Variants in UMAD1 observed in about 807,000 individuals in gnomAD.
UMAD1 encodes the protein UBAP1-MVB12-associated (UMA) domain containing 1, also known as UBAP1-MVB12-associated (UMA)-domain containing protein 1.
A neutral mutation model predicts 6.1 loss-of-function variants in UMAD1; 8 were observed. That is an observed-to-expected ratio of 1.30 (90% CI 0.76 to 2.35). UMAD1 has a LOEUF of 2.35. UMAD1 is among the 30% of genes most tolerant of loss of function. UMAD1 has a pLI of 0.00. For synonymous variants in UMAD1, 56 were observed against 31.4 expected (o/e 1.78, Z -2.61); for missense variants, 130 against 78.4 (o/e 1.66, Z -2.49).
At chr7:7,677,908 C>T (rs994070523) in intron 2 of UMAD1, among the ~76,000 whole-genome samples, 5 of 151,596 alleles carry the variant, frequency 3.3e-5, no homozygotes, top group Admixed American at 1.3e-4. Context: ...CTCCTGACCT[C>T]GTGATCCGCC....
Position 7,673,310 on chromosome 7 carries a change from T to TAGCAGCAGCAGCAGC in UMAD1, c.-15_-1dup. 1,786 of 1,033,860 alleles carry TAGCAGCAGCAGCAGC rather than the reference T, an allele frequency of 1.7e-3. 3 individuals are homozygous for TAGCAGCAGCAGCAGC. The highest frequency in any genetic ancestry group is 4.6e-3 in the African/African-American group (280 of 60,990). 64.0% of individuals were successfully genotyped at this position (1,033,860 alleles called of 1,614,324 possible). On this transcript the variant is annotated splice_region_variant and 5_prime_UTR_variant, in exon 2 of 4. Transcript: ENST00000682710. ...CATTGTGTAATGTTTCTATTTCAGGTAGCAGCAGCAGCAGCAGCAGCAGCA... is the reference window on the plus strand; with the variant it reads ...CATTGTGTAATGTTTCTATTTCAGGTAGCAGCAGCAGCAGCAGCAGCAGCAGCAGCAGCAGCAGCA...
At chr7:7,747,787 AT>A (rs1781600234) in intron 2 of UMAD1, among the ~76,000 whole-genome samples, 1 of 152,102 alleles carries the variant, frequency 6.6e-6, no homozygotes, top group Non-Finnish European at 1.5e-5. Flanking sequence ...AGTCTTCATT[AT>A]TTTCAGTTTA....
chr7:7,778,223 GT>G (rs1220550699), intron 2 of UMAD1, among the ~76,000 whole-genome samples: 1 of 123,490 alleles, frequency 8.1e-6, no homozygotes, highest in African/African-American at 3.1e-5. Context: ...TCCAAAACTG[GT>G]TTTGTGTGTG....
At chr7:7,679,987 G>T (rs1779868987) in intron 2 of UMAD1, among the ~76,000 whole-genome samples, 1 of 151,880 alleles carries the variant, frequency 6.6e-6, no homozygotes, top group South Asian at 2.1e-4. Context: ...CATTCTGTGG[G>T]TTGTCTCTTT....
At chr7:7,872,879 A>G (rs1040047154) in intron 3 of UMAD1, among the ~76,000 whole-genome samples, 6 of 152,218 alleles carry the variant, frequency 3.9e-5, no homozygotes, top group Non-Finnish European at 8.8e-5. Flanking sequence ...GATCTAGGGA[A>G]CATTTACACA....
intron 3 of UMAD1, among the ~76,000 whole-genome samples, chr7:7,862,926 A>G (rs1784142507): frequency 6.6e-6 from 1 of 152,244 alleles, no homozygotes; most frequent in Admixed American, 6.5e-5. Flanking sequence ...ACTCATAAAG[A>G]AAATTATGAT....
intron 2 of UMAD1, among the ~76,000 whole-genome samples, chr7:7,768,006 A>C (rs1782023459): frequency 6.6e-6 from 1 of 152,134 alleles, no homozygotes. Context: ...TGGTTTTTCT[A>C]TTATGACTTT....
At chr7:7,760,930 G>A (rs1048126428) in intron 2 of UMAD1, among the ~76,000 whole-genome samples, 1 of 152,126 alleles carries the variant, frequency 6.6e-6, no homozygotes, top group Non-Finnish European at 1.5e-5. Flanking sequence ...AGAAATTAGG[G>A]GATCATTTTG....
chr7:7,782,682 T>C (rs1782370357), intron 2 of UMAD1, among the ~76,000 whole-genome samples: 1 of 151,940 alleles, frequency 6.6e-6, no homozygotes, highest in Non-Finnish European at 1.5e-5. Flanking sequence ...TTATTGACCG[T>C]CTGTGCCTAC....
intron 2 of UMAD1, among the ~76,000 whole-genome samples, chr7:7,801,089 C>T (rs777400186): frequency 6.6e-6 from 1 of 152,206 alleles, no homozygotes; most frequent in Non-Finnish European, 1.5e-5. Flanking sequence ...AGCCTACTCA[C>T]CAACTTCATT....
intron 1 of UMAD1, among the ~76,000 whole-genome samples, chr7:7,669,352 C>A (rs1174761191): frequency 2.0e-5 from 3 of 152,082 alleles, no homozygotes; most frequent in East Asian, 3.9e-4. Flanking sequence ...TAGTCTTAGG[C>A]AGGGTAACTA....
chr7:7,768,055 C>CT (rs1417527815), intron 2 of UMAD1, among the ~76,000 whole-genome samples: 1 of 151,840 alleles, frequency 6.6e-6, no homozygotes, highest in African/African-American at 2.4e-5. Flanking sequence ...AGAAAGGCTT[C>CT]TTTTTAAAAT....
At chr7:7,822,680 TA>T (rs1250154606) in intron 3 of UMAD1, among the ~76,000 whole-genome samples, 1 of 152,144 alleles carries the variant, frequency 6.6e-6, no homozygotes. Context: ...GAAATAGCCA[TA>T]ACGCTTTAGT....
At chr7:7,855,021 G>C (rs939900716) in intron 3 of UMAD1, among the ~76,000 whole-genome samples, 1 of 152,230 alleles carries the variant, frequency 6.6e-6, no homozygotes, top group Non-Finnish European at 1.5e-5. Context: ...AAAATACTCT[G>C]CTTTGACTCC....
At chr7:7,784,917 C>T (rs6946664) in intron 2 of UMAD1, among the ~76,000 whole-genome samples, 6,016 of 151,866 alleles carry the variant, frequency 0.04, 415 homozygotes, top group African/African-American at 0.14. Flanking sequence ...CGCCCGCCAC[C>T]TCGCCCGGCT....
chr7:7,736,753 A>T (rs114482698), intron 2 of UMAD1: 1 of 152,330 alleles, frequency 6.6e-6, no homozygotes, highest in African/African-American at 2.4e-5. Flanking sequence ...GAAGCAACAG[A>T]CTCATTGGTC....
chr7:7,674,987 T>C (rs1583720644), intron 2 of UMAD1, among the ~76,000 whole-genome samples: 1 of 152,062 alleles, frequency 6.6e-6, no homozygotes, highest in East Asian at 1.9e-4. Context: ...CTCTGCTTTT[T>C]TCTGTTGTTT....
chr7:7,814,816 T>C (rs566398649), intron 3 of UMAD1, among the ~76,000 whole-genome samples: 1 of 152,034 alleles, frequency 6.6e-6, no homozygotes, highest in Non-Finnish European at 1.5e-5. Flanking sequence ...TCAGGTGGAG[T>C]ATGGCAGTCA....
intron 2 of UMAD1, among the ~76,000 whole-genome samples, chr7:7,699,775 C>A (rs1377377399): frequency 6.6e-6 from 1 of 152,188 alleles, no homozygotes; most frequent in Non-Finnish European, 1.5e-5. Context: ...TAATGCCTTA[C>A]ACATATTAAG....
Sources: allele counts gnomAD v4.1 joint callset (sites outside exome capture counted in the v4.1 genomes callset), GRCh38; gene constraint gnomAD v4.1.1; transcripts MANE v1.5; gene names NCBI Gene and HGNC (gene_info 2026-07-23, HGNC 2026-07-21).